TENM4: variants seen among roughly 807,000 people sequenced by gnomAD.
TENM4 encodes the protein teneurin transmembrane protein 4.
A neutral mutation model predicts 243.3 loss-of-function variants in TENM4; 82 were observed. The observed-to-expected ratio is 0.34, with a 90% CI of 0.28 to 0.40. TENM4 has a LOEUF of 0.40. TENM4 is among the 10% of genes least tolerant of loss of function. The probability of loss-of-function intolerance (pLI) is 1.00; values close to 1 mark genes in which losing one functional copy is unlikely to be tolerated. For missense variants in TENM4, 3,138 were observed against 3,673.3 expected, an observed-to-expected ratio of 0.85 and a Z score of 3.77; for synonymous variants, 1,412 against 1,456.3, an observed-to-expected ratio of 0.97 and a Z score of 0.69.
In TENM4 at chr11:78,856,016, G is replaced by A. The variant is rs1291716190; in HGVS notation, c.1418C>T (p.Ala473Val). ...HLKFNVSLGK[A>V]ALVGIYGRKG... Reference sequence around the variant, plus strand: ...TCTGCCATAAATGCCAACCAGGGCTGCCTTTCCCAGAGACACATTGAATTT... The same window carrying A: ...TCTGCCATAAATGCCAACCAGGGCTACCTTTCCCAGAGACACATTGAATTT... Residue 473 changes from alanine (A) to valine (V), a missense_variant, in exon 11 of 34, where the codon GCA (alanine) becomes GTA (valine). By Grantham distance (64) the Ala-to-Val change is moderately conservative. Transcript: ENST00000278550. 5.8e-6 allele frequency: 9 copies of A among 1,551,780 alleles called. No homozygotes were observed. Among genetic ancestry groups the A allele is most frequent in the Non-Finnish European group, 7.8e-6 (9 of 1,147,014 alleles).
intron 3 of TENM4, among the ~76,000 whole-genome samples, chr11:79,196,922 G>C (rs1378920076): frequency 6.6e-6 from 1 of 152,182 alleles, no homozygotes; most frequent in Non-Finnish European, 1.5e-5. Context: ...GAGGAAACAA[G>C]CTGCCTCCCT....
chr11:79,162,006 A>G (rs902233841), intron 3 of TENM4, among the ~76,000 whole-genome samples: 1 of 152,140 alleles, frequency 6.6e-6, no homozygotes, highest in African/African-American at 2.4e-5. Context: ...GGTGTGGGAG[A>G]AGGAACCGGA....
intron 18 of TENM4, among the ~76,000 whole-genome samples, chr11:78,759,273 CCT>C (rs1343379720): frequency 2.0e-5 from 3 of 152,222 alleles, no homozygotes; most frequent in African/African-American, 4.8e-5. Context: ...TCATGCTGCC[CCT>C]GTCAGACATT....
chr11:79,306,457 G>A (rs565133618), intron 1 of TENM4, among the ~76,000 whole-genome samples: 1 of 152,292 alleles, frequency 6.6e-6, no homozygotes, highest in South Asian at 2.1e-4. Context: ...GGTGTGTGGG[G>A]AAAGTGCTGT....
At chr11:79,270,414 T>C (rs1855949910) in intron 2 of TENM4, among the ~76,000 whole-genome samples, 1 of 152,226 alleles carries the variant, frequency 6.6e-6, no homozygotes, top group Admixed American at 6.5e-5. Flanking sequence ...ATCTGCTATA[T>C]AAAATTTTAA....
intron 6 of TENM4, among the ~76,000 whole-genome samples, chr11:78,923,605 T>C (rs942028171): frequency 6.6e-6 from 1 of 151,816 alleles, no homozygotes; most frequent in Non-Finnish European, 1.5e-5. Flanking sequence ...TGGTGCAATT[T>C]TGGCTCACTG....
At chr11:79,245,381 G>A (rs895375886) in intron 2 of TENM4, among the ~76,000 whole-genome samples, 1 of 152,214 alleles carries the variant, frequency 6.6e-6, no homozygotes, top group African/African-American at 2.4e-5. Context: ...GCATTAGCCA[G>A]CATCAAAATA....
intron 19 of TENM4, among the ~76,000 whole-genome samples, chr11:78,752,472 A>C (rs972333155): frequency 6.6e-6 from 1 of 152,198 alleles, no homozygotes; most frequent in African/African-American, 2.4e-5. Flanking sequence ...TGCAGAGAGA[A>C]GGAGCTCCAC....
chr11:79,000,105 CT>C (rs1409836903), intron 6 of TENM4, among the ~76,000 whole-genome samples: 7 of 152,240 alleles, frequency 4.6e-5, no homozygotes, highest in African/African-American at 1.2e-4. Flanking sequence ...CATATCAGAG[CT>C]GTTAGAGAAA....
chr11:78,664,089 G>A (rs1858093386), intron 32 of TENM4, among the ~76,000 whole-genome samples: 1 of 152,174 alleles, frequency 6.6e-6, no homozygotes, highest in Non-Finnish European at 1.5e-5. Context: ...TACAAACTGT[G>A]TGAACTCCGA....
chr11:78,663,121 C>G (rs1858072846), intron 32 of TENM4, among the ~76,000 whole-genome samples: 1 of 152,044 alleles, frequency 6.6e-6, no homozygotes, highest in Non-Finnish European at 1.5e-5. Context: ...CAGAGGGAGA[C>G]AGACAGACAG....
chr11:78,987,852 A>G (rs1857953243), intron 6 of TENM4, among the ~76,000 whole-genome samples: 1 of 150,790 alleles, frequency 6.6e-6, no homozygotes, highest in African/African-American at 2.5e-5. Context: ...AGATGAAGAA[A>G]CTGACGGTAA....
chr11:78,774,003 G>A (rs1215143037), intron 17 of TENM4, among the ~76,000 whole-genome samples: 4 of 152,158 alleles, frequency 2.6e-5, no homozygotes, highest in Non-Finnish European at 4.4e-5. Flanking sequence ...CTTTGGAGGT[G>A]GACAAACCTC....
chr11:79,195,537 G>C (rs1443605080), intron 3 of TENM4, among the ~76,000 whole-genome samples: 1 of 152,188 alleles, frequency 6.6e-6, no homozygotes, highest in Non-Finnish European at 1.5e-5. Flanking sequence ...AGTCAAAGGA[G>C]ATCATTTTGG....
chr11:79,384,839 T>A (rs1858075796), intron 1 of TENM4, among the ~76,000 whole-genome samples: 1 of 151,570 alleles, frequency 6.6e-6, no homozygotes, highest in South Asian at 2.1e-4. Context: ...GGCAGGAGAA[T>A]CTCTTAAACC....
chr11:78,860,172 ATGT>A (rs1328845481), intron 10 of TENM4, among the ~76,000 whole-genome samples: 2 of 152,226 alleles, frequency 1.3e-5, no homozygotes, highest in Admixed American at 1.3e-4. Flanking sequence ...CAGGGAGAGA[ATGT>A]TAATTAGTCT....
At chr11:78,900,493 TC>T (rs1445933418) in intron 7 of TENM4, among the ~76,000 whole-genome samples, 4 of 152,158 alleles carry the variant, frequency 2.6e-5, no homozygotes, top group Non-Finnish European at 4.4e-5. Flanking sequence ...CTCAAGAAAC[TC>T]TTTTTGAATG....
chr11:79,123,669 C>T (rs909571223), intron 4 of TENM4, among the ~76,000 whole-genome samples: 2 of 150,598 alleles, frequency 1.3e-5, no homozygotes, highest in Non-Finnish European at 2.9e-5. Flanking sequence ...TAGGCTTGGA[C>T]TGGGCCTTGT....
Position 78,925,188 on chromosome 11 carries a change from A to G in TENM4, c.494-21665T>C, listed in dbSNP as rs1424794522. On this transcript the variant is annotated intron_variant, in intron 6 of 33. Coordinates refer to ENST00000278550, the MANE Select transcript of TENM4 (RefSeq NM_001098816.3). ...AAACAAAACAGAGCAAAGAGCGTCA[A>G]CTGAGATTTGTGTGATTTCAGCTTC... 2.6e-5 allele frequency among the ~76,000 whole-genome samples: 4 copies of G among 152,172 alleles called. No homozygotes were observed. In the East Asian group the frequency reaches 7.7e-4, roughly 29 times the overall value.
Sources: gnomAD v4.1 joint callset for allele counts (sites outside exome capture counted in the v4.1 genomes callset) on GRCh38, gnomAD v4.1.1 for gene constraint, MANE v1.5 for transcripts, NCBI Gene and HGNC (gene_info 2026-07-23, HGNC 2026-07-21) for gene names.